Variants in ACACA observed in about 807,000 individuals in gnomAD.
The protein encoded by ACACA is acetyl-CoA carboxylase 1.
ACACA carries 103 observed loss-of-function variants against 296.1 expected under a neutral mutation model. The ratio of observed to expected loss-of-function variants is 0.35; its 90% CI spans 0.30 to 0.41. ACACA has a LOEUF of 0.41. Ranked by LOEUF, ACACA falls within the 10% of genes least tolerant of loss-of-function variation. The pLI, the probability that ACACA is intolerant of heterozygous loss-of-function variation, is 1.00. For synonymous variants in ACACA, 953 were observed against 1,038.6 expected (o/e 0.92, Z 1.58); for missense variants, 1,554 against 2,989.7 (o/e 0.52, Z 11.20).
At chr17:37,221,129 T>C (rs1184376956) in intron 29 of ACACA, among the ~76,000 whole-genome samples, 1 of 152,210 alleles carries the variant, frequency 6.6e-6, no homozygotes, top group African/African-American at 2.4e-5. Flanking sequence ...AACGTCCATA[T>C]GTACATTTTA....
chr17:37,354,792 G>A (rs1413536403), intron 1 of ACACA, among the ~76,000 whole-genome samples: 1 of 152,074 alleles, frequency 6.6e-6, no homozygotes, highest in Admixed American at 6.6e-5. Context: ...TTAGCTGGGC[G>A]CAGTGGTGTA....
At chr17:37,353,119 A>T (rs1214496438) in intron 1 of ACACA, among the ~76,000 whole-genome samples, 1 of 152,204 alleles carries the variant, frequency 6.6e-6, no homozygotes, top group Non-Finnish European at 1.5e-5. Flanking sequence ...GAATTTTGAG[A>T]TAGAATCAAA....
chr17:37,279,265 G>A (rs2082400078), intron 5 of ACACA, among the ~76,000 whole-genome samples: 1 of 152,104 alleles, frequency 6.6e-6, no homozygotes, highest in Non-Finnish European at 1.5e-5. Context: ...TGTTCTCTTT[G>A]ATTATAGGAA....
rs57591064 is a variant in ACACA, at chr17:37,210,751, C to CAAAAA, written c.3684-266_3684-262dup. Among the ~76,000 whole-genome samples the CAAAAA allele has an allele frequency of 5.2e-4, 38 of 72,404 alleles. 1 individual carries two copies. The highest frequency in any genetic ancestry group is 6.6e-4 in the Non-Finnish European group (23 of 34,776). 47.5% of individuals were successfully genotyped at this position (72,404 alleles called of 152,430 possible). A position where few individuals can be genotyped will look rare whatever the true frequency, so the allele number is the denominator to read the frequency against. On this transcript the variant is annotated intron_variant, in intron 29 of 55. Transcript: ENST00000616317. ...TGGATTTTAAAAATAGCTCTATTAC[C>CAAAAA]AAAAAAAAAAAAAAAAAAAAAAAAA...
At chr17:37,362,138 C>T (rs1376383566) in intron 1 of ACACA, among the ~76,000 whole-genome samples, 1 of 152,112 alleles carries the variant, frequency 6.6e-6, no homozygotes, top group African/African-American at 2.4e-5. Flanking sequence ...GAGAAAATAT[C>T]AGAAAAAAAC....
rs566008781 is a variant in ACACA at position 37,353,810 on chromosome 17, C to A, written c.39-13960G>T. Among the ~76,000 whole-genome samples the A allele has an allele frequency of 2.0e-5, 3 of 151,714 alleles. No homozygotes were observed. The East Asian group carries it at 5.9e-4, about 30-fold the overall frequency. Reference sequence around the variant, plus strand: ...TTTTTTTAAACTTCATGAGTTCATTCGGAATTTTCCAACTTTGCTGGGCAT... The same window carrying A: ...TTTTTTTAAACTTCATGAGTTCATTAGGAATTTTCCAACTTTGCTGGGCAT... On this transcript the variant is annotated intron_variant, in intron 1 of 55. Transcript: ENST00000616317.
intron 25 of ACACA, among the ~76,000 whole-genome samples, chr17:37,229,596 C>T (rs559780857): frequency 2.0e-5 from 3 of 151,846 alleles, no homozygotes; most frequent in African/African-American, 7.2e-5. Flanking sequence ...AGCCACTGCG[C>T]CTGGCAGTTA....
At chr17:37,276,588 T>A (rs912425751) in intron 7 of ACACA, among the ~76,000 whole-genome samples, 1 of 152,210 alleles carries the variant, frequency 6.6e-6, no homozygotes, top group Non-Finnish European at 1.5e-5. Flanking sequence ...AGCAGAAAAG[T>A]CAGAAGAAGT....
chr17:37,143,713 C>A, intron 45 of ACACA: 1 of 901,096 alleles, frequency 1.1e-6, no homozygotes, highest in Non-Finnish European at 1.8e-6. Context: ...CATCTTCCTC[C>A]TCCTCATCCT....
intron 19 of ACACA, among the ~76,000 whole-genome samples, chr17:37,246,415 A>AC (rs1481935107): frequency 2.0e-5 from 3 of 151,586 alleles, no homozygotes; most frequent in African/African-American, 7.3e-5. Context: ...CCAATCTGTT[A>AC]CCTTTTTTTT....
chr17:37,101,478 G>C (rs2073358284), intron 52 of ACACA, among the ~76,000 whole-genome samples: 1 of 152,140 alleles, frequency 6.6e-6, no homozygotes, highest in African/African-American at 2.4e-5. Context: ...CAGGTGAGGA[G>C]ACTGAGGCAC....
rs748798346 is a variant in ACACA at position 37,097,822 on chromosome 17, G to A, written c.6720+8C>T. The A allele has an allele frequency of 1.9e-6, 3 of 1,614,152 alleles. No homozygotes were observed. Among genetic ancestry groups the A allele is most frequent in the Non-Finnish European group, 1.7e-6 (2 of 1,180,012 alleles). ...CCTCTGACAAGAAGTGGCAACCATT[G>A]TACTTACGCTAATAACACCCTTCTC... is the stretch of plus-strand genomic sequence containing the variant. On this transcript the variant is annotated splice_region_variant and intron_variant, in intron 53 of 55. Transcript: ENST00000616317. This position sits in a 1 kb window ranked among gnomAD's most constrained non-coding sequence, Gnocchi z 4.8.
At chr17:37,163,787 C>G (rs1467733727) in intron 41 of ACACA, among the ~76,000 whole-genome samples, 1 of 152,212 alleles carries the variant, frequency 6.6e-6, no homozygotes, top group African/African-American at 2.4e-5. Context: ...TCTCTGCTCT[C>G]TGTTCAGCAG....
chr17:37,173,331 T>C (rs540399842), intron 41 of ACACA, among the ~76,000 whole-genome samples: 1 of 152,154 alleles, frequency 6.6e-6, no homozygotes, highest in African/African-American at 2.4e-5. Context: ...AGGGTTATGG[T>C]GGTTTTTCTA....
rs1487523663 is a variant in ACACA, at chr17:37,097,886, G to A, written c.6664C>T (p.Gln2222Ter). ...LIPIYHQVAV[Q>*]FADLHDTPGR... ...GGTGTGTCGTGCAAGTCAGCAAACT[G>A]CACGGCTACCTGATGGTAAATGGGA... Residue 2222 changes from glutamine (Q) to a stop codon, truncating the protein, a stop_gained, in exon 53 of 56, where the codon CAG (glutamine) becomes TAG (stop). Transcript: ENST00000616317. LOFTEE classifies it high-confidence loss of function. The surrounding 1 kb of genome is among the most constrained non-coding windows in gnomAD (Gnocchi z 4.8). The A allele has an allele frequency of 6.2e-7, 1 of 1,614,146 alleles. No individual in the cohort carries two copies. The highest frequency in any genetic ancestry group is 1.3e-5 in the African/African-American group (1 of 75,028).
intron 54 of ACACA, 125 bp from the exon 55 acceptor site, chr17:37,089,199 T>C: frequency 1.4e-6 from 2 of 1,389,560 alleles, no homozygotes; most frequent in Non-Finnish European, 1.0e-6. Flanking sequence ...TCTCCTTCAC[T>C]GTCAGCATCG....
intron 42 of ACACA, among the ~76,000 whole-genome samples, chr17:37,159,101 C>T (rs993159146): frequency 6.6e-6 from 1 of 151,724 alleles, no homozygotes; most frequent in Non-Finnish European, 1.5e-5. Context: ...TCACTTGAGC[C>T]CAGGAGTTGG....
intron 2 of ACACA, among the ~76,000 whole-genome samples, chr17:37,336,161 T>C (rs574761504): frequency 7.2e-5 from 11 of 152,226 alleles, no homozygotes; most frequent in Admixed American, 3.3e-4. Flanking sequence ...ATGCAGTCCA[T>C]GAGTAAAATC....
At chr17:37,260,878 T>C (rs374169945) in intron 11 of ACACA, among the ~76,000 whole-genome samples, 1 of 152,166 alleles carries the variant, frequency 6.6e-6, no homozygotes, top group Non-Finnish European at 1.5e-5. Context: ...ACTTCTATTT[T>C]TGGGGGGGTC....
Sources: allele counts gnomAD v4.1 joint callset (sites outside exome capture counted in the v4.1 genomes callset), GRCh38; gene constraint gnomAD v4.1.1; non-coding constraint Gnocchi (gnomAD v3.1); transcripts MANE v1.5; gene names NCBI Gene and HGNC (gene_info 2026-07-23, HGNC 2026-07-21).